The following ARFGEF3 variants were observed in gnomAD, a reference collection of about 807,000 sequenced individuals.
The protein encoded by ARFGEF3 is brefeldin A-inhibited guanine nucleotide-exchange protein 3.
In ARFGEF3, 96 loss-of-function variants were observed where a neutral mutation model predicts 221.7. The observed-to-expected ratio is 0.43, with a 90% CI of 0.37 to 0.51. ARFGEF3 has a LOEUF of 0.51. Ranked by LOEUF, ARFGEF3 falls within the 20% of genes least tolerant of loss-of-function variation. The pLI is 0.00. For synonymous variants in ARFGEF3, 1,145 were observed against 1,126.8 expected (o/e 1.02, Z -0.32); for missense variants, 2,410 against 2,789.9 (o/e 0.86, Z 3.07).
At chr6:138,276,064 G>A (rs1267936876) in intron 12 of ARFGEF3, among the ~76,000 whole-genome samples, 7 of 152,266 alleles carry the variant, frequency 4.6e-5, no homozygotes, top group South Asian at 2.1e-4. Flanking sequence ...AACAAATGGC[G>A]CATTCATTGA....
intron 17 of ARFGEF3, among the ~76,000 whole-genome samples, chr6:138,287,930 A>C (rs904151533): frequency 6.6e-6 from 1 of 152,180 alleles, no homozygotes; most frequent in African/African-American, 2.4e-5. Context: ...TGAAAACAAA[A>C]TCGCTCTCAC....
At chr6:138,169,214 T>C (rs1473233837) in intron 1 of ARFGEF3, among the ~76,000 whole-genome samples, 2 of 152,124 alleles carry the variant, frequency 1.3e-5, no homozygotes, top group Admixed American at 6.6e-5. Context: ...CATGGTGCCC[T>C]CTCCCCAGCT....
chr6:138,247,693 C>A lies in ARFGEF3; in HGVS notation c.665+2102C>A, dbSNP rs9484133. Among the ~76,000 whole-genome samples the A allele has an allele frequency of 6.3e-3, 963 of 152,318 alleles. 12 individuals carry two copies. Among genetic ancestry groups the A allele is most frequent in the African/African-American group, 0.022 (909 of 41,562 alleles). On this transcript the variant is annotated intron_variant, in intron 8 of 33. Coordinates refer to ENST00000251691, the MANE Select transcript of ARFGEF3 (RefSeq NM_020340.5). ...TGTGACTTTGGACAAAGATCTGAAC[C>A]ACCCTAAGTCTGTGTATCCTATAAA... is the stretch of plus-strand genomic sequence containing the variant.
intron 22 of ARFGEF3, among the ~76,000 whole-genome samples, chr6:138,304,594 T>G (rs1199443936): frequency 1.3e-5 from 2 of 152,212 alleles, no homozygotes; most frequent in Non-Finnish European, 2.9e-5. Flanking sequence ...TGAATTCAGA[T>G]TCATCTTAAA....
chr6:138,162,178 G>C lies in ARFGEF3; in HGVS notation c.85+7G>C. The C allele has an allele frequency of 6.3e-7, 1 of 1,593,092 alleles. No individual in the cohort carries two copies. Among genetic ancestry groups the C allele is most frequent in the South Asian group, 1.1e-5 (1 of 89,734 alleles). On this transcript the variant is annotated splice_region_variant and intron_variant, in intron 1 of 33. Transcript: ENST00000251691. This position sits in a 1 kb window ranked among gnomAD's most constrained non-coding sequence, Gnocchi z 4.7. Reference sequence around the variant, plus strand: ...AGCTGCACCTGGGCCCTGGGTAAGCGTCCGGCACCTGCTCGCCGCGGCGGG... The same window carrying C: ...AGCTGCACCTGGGCCCTGGGTAAGCCTCCGGCACCTGCTCGCCGCGGCGGG...
intron 33 of ARFGEF3, 22 bp from the exon 34 acceptor site, chr6:138,336,273 T>A (rs1422953085): frequency 8.8e-6 from 13 of 1,474,178 alleles, no homozygotes; most frequent in Non-Finnish European, 1.2e-5. Flanking sequence ...AGCCACTGAT[T>A]TTCTTAAATC....
chr6:138,284,537 A>G (rs973217270), intron 14 of ARFGEF3, among the ~76,000 whole-genome samples: 3 of 152,172 alleles, frequency 2.0e-5, no homozygotes, highest in Non-Finnish European at 4.4e-5. Flanking sequence ...AGCCTTCTCA[A>G]CCCAACTCCA....
chr6:138,231,601 T>C (rs1778193282), intron 5 of ARFGEF3, among the ~76,000 whole-genome samples: 1 of 152,206 alleles, frequency 6.6e-6, no homozygotes, highest in Admixed American at 6.5e-5. Flanking sequence ...AAATGTGAAA[T>C]GTTTGCCATT....
intron 4 of ARFGEF3, among the ~76,000 whole-genome samples, chr6:138,225,686 T>G (rs1471149965): frequency 6.6e-6 from 1 of 152,102 alleles, no homozygotes; most frequent in Non-Finnish European, 1.5e-5. Context: ...AGGAAGAAAG[T>G]GGAGCTGGAT....
chr6:138,227,149 C>G (rs113089259), intron 4 of ARFGEF3, among the ~76,000 whole-genome samples: 16 of 151,642 alleles, frequency 1.1e-4, no homozygotes, highest in African/African-American at 3.6e-4. Flanking sequence ...TCAGCATTGG[C>G]TGGGGGCCTG....
chr6:138,273,914 T>C (rs1005118543), intron 12 of ARFGEF3, among the ~76,000 whole-genome samples: 1 of 152,228 alleles, frequency 6.6e-6, no homozygotes, highest in African/African-American at 2.4e-5. Flanking sequence ...TTGTTTTATT[T>C]ACAAATTTGC....
intron 14 of ARFGEF3, among the ~76,000 whole-genome samples, 192 bp from the exon 15 acceptor site, chr6:138,285,754 A>G (rs1353579319): frequency 1.3e-5 from 2 of 152,204 alleles, no homozygotes; most frequent in Non-Finnish European, 2.9e-5. Context: ...AAGAATAAAT[A>G]CTCCAAAGTG....
chr6:138,194,218 A>T (rs1192506100), intron 2 of ARFGEF3, among the ~76,000 whole-genome samples: 4 of 151,718 alleles, frequency 2.6e-5, no homozygotes, highest in Non-Finnish European at 5.9e-5. Flanking sequence ...CGGTGAGCCA[A>T]GATCATGCTA....
intron 2 of ARFGEF3, among the ~76,000 whole-genome samples, chr6:138,188,522 G>A (rs534685783): frequency 5.3e-5 from 8 of 152,060 alleles, no homozygotes; most frequent in Non-Finnish European, 1.0e-4. Context: ...CACATGTCTC[G>A]TTTGGAAAGG....
chr6:138,284,841 G>A (rs1779258054), intron 14 of ARFGEF3, among the ~76,000 whole-genome samples: 1 of 152,224 alleles, frequency 6.6e-6, no homozygotes, highest in African/African-American at 2.4e-5. Flanking sequence ...GACCATCATA[G>A]AGTGTACTTA....
intron 28 of ARFGEF3, among the ~76,000 whole-genome samples, chr6:138,320,816 A>C (rs758590085): frequency 1.3e-5 from 2 of 152,206 alleles, no homozygotes; most frequent in Non-Finnish European, 2.9e-5. Context: ...TGCTTTGCAC[A>C]GTGTGAGACT....
chr6:138,204,083 A>T (rs1238816715), intron 2 of ARFGEF3, among the ~76,000 whole-genome samples: 1 of 151,920 alleles, frequency 6.6e-6, no homozygotes, highest in Admixed American at 6.5e-5. Flanking sequence ...TCACGCCTAT[A>T]ATCCCAGCGC....
At chr6:138,242,884 C>T (rs993800170) in intron 6 of ARFGEF3, 68 bp from the exon 7 acceptor site, 11 of 1,391,644 alleles carry the variant, frequency 7.9e-6, no homozygotes, top group East Asian at 2.3e-5. Flanking sequence ...AGAATTTTCC[C>T]ATTGTCAAAG....
At chr6:138,301,491 C>T (rs1415857325) in intron 22 of ARFGEF3, among the ~76,000 whole-genome samples, 2 of 152,180 alleles carry the variant, frequency 1.3e-5, no homozygotes, top group Non-Finnish European at 2.9e-5. Context: ...AGACCATTGG[C>T]TTGTCAATTA....
Sources: allele counts gnomAD v4.1 joint callset (sites outside exome capture counted in the v4.1 genomes callset), GRCh38; gene constraint gnomAD v4.1.1; non-coding constraint Gnocchi (gnomAD v3.1); transcripts MANE v1.5; gene names NCBI Gene and HGNC (gene_info 2026-07-23, HGNC 2026-07-21).